AKAP13: variants seen among roughly 807,000 people sequenced by gnomAD.
The protein encoded by AKAP13 is A-kinase anchoring protein 13.
AKAP13 carries 80 observed loss-of-function variants against 264.5 expected under a neutral mutation model. The ratio of observed to expected loss-of-function variants is 0.30; its 90% CI spans 0.25 to 0.36. The LOEUF (loss-of-function observed/expected upper bound fraction) is 0.36, where lower values mean the gene tolerates loss of function less well. AKAP13 is among the 10% of genes least tolerant of loss of function. The pLI is 1.00. For missense variants in AKAP13, 3,712 were observed against 3,435.2 expected (o/e 1.08, Z -2.01); for synonymous variants, 1,380 against 1,250.2 (o/e 1.10, Z -2.19).
intron 15 of AKAP13, among the ~76,000 whole-genome samples, chr15:85,682,940 T>A (rs574262873): frequency 1.4e-4 from 2 of 14,570 alleles, no homozygotes; most frequent in East Asian, 3.4e-3. Flanking sequence ...GTGCTGGGAT[T>A]ACAGGCGTGA....
Position 85,746,088 on chromosome 15 carries a change from T to C in AKAP13, c.*1411T>C, listed in dbSNP as rs538569073. ...ACCAGAAGGGAGGCCCTGGAAAATT[T>C]TGTGCTTCCAACGTGGCCTTCAATT... On this transcript the variant is annotated 3_prime_UTR_variant, in exon 37 of 37. Coordinates refer to ENST00000394518, the MANE Select transcript of AKAP13 (RefSeq NM_007200.5). 3.3e-5 allele frequency: 5 copies of C among 152,618 alleles called. No homozygotes were observed. The highest frequency in any genetic ancestry group is 2.1e-4 in the South Asian group (1 of 4,830). The allele number at this position is 152,618 out of a possible 1,614,324, so 9.5% of individuals were successfully genotyped here. A position where few individuals can be genotyped will look rare whatever the true frequency, so the allele number is the denominator to read the frequency against.
At chr15:85,532,748 G>A (rs1252416128) in intron 3 of AKAP13, among the ~76,000 whole-genome samples, 9 of 152,198 alleles carry the variant, frequency 5.9e-5, no homozygotes, top group Non-Finnish European at 1.2e-4. Flanking sequence ...ATAGACACGT[G>A]GTGTTAAATC....
intron 14 of AKAP13, among the ~76,000 whole-genome samples, chr15:85,677,491 C>A (rs2084293111): frequency 6.6e-6 from 1 of 152,118 alleles, no homozygotes; most frequent in Admixed American, 6.5e-5. Flanking sequence ...TCTCATGGGA[C>A]AGATATCTAG....
At chr15:85,551,711 T>C (rs563814842) in intron 5 of AKAP13, among the ~76,000 whole-genome samples, 1 of 152,370 alleles carries the variant, frequency 6.6e-6, no homozygotes, top group South Asian at 2.1e-4. Context: ...CACTACTTGA[T>C]CTGTGGTAAC....
intron 17 of AKAP13, among the ~76,000 whole-genome samples, chr15:85,701,493 A>G (rs1014097787): frequency 3.9e-5 from 6 of 152,110 alleles, no homozygotes; most frequent in Non-Finnish European, 7.4e-5. Flanking sequence ...AGGCTGGAGT[A>G]CAGTGGCGCA....
chr15:85,582,981 T>A, intron 7 of AKAP13: 1 of 985,460 alleles, frequency 1.0e-6, no homozygotes, highest in Non-Finnish European at 1.2e-6. Flanking sequence ...TATTGCTCCG[T>A]GGAAATAAAC....
rs193006294 is a variant in AKAP13 at position 85,527,165 on chromosome 15, G to A, written c.181+5590G>A. The stretch of plus-strand genomic sequence containing the variant: ...TTTTTAGTAGAGACGGGGTTTCACC[G>A]TGTTAGCCAGGATGGTCTTGATCTC... On this transcript the variant is annotated intron_variant, in intron 3 of 36. Coordinates refer to ENST00000394518, the MANE Select transcript of AKAP13 (RefSeq NM_007200.5). Among the ~76,000 whole-genome samples, 475 of 152,128 alleles carry A rather than the reference G, an allele frequency of 3.1e-3. 2 individuals carry two copies. The highest frequency in any genetic ancestry group is 5.8e-3 in the Admixed American group (88 of 15,284).
At chr15:85,426,082 G>A (rs1249455336) in intron 1 of AKAP13, among the ~76,000 whole-genome samples, 2 of 152,178 alleles carry the variant, frequency 1.3e-5, no homozygotes, top group Non-Finnish European at 2.9e-5. Context: ...TCATCCAGAC[G>A]AACTTTGTAT....
At position 85,724,517 on chromosome 15, in the gene AKAP13, CGTG is replaced by C. The variant is rs386785971; in HGVS notation, c.6745+1198_6745+1200del. Among the ~76,000 whole-genome samples the C allele has an allele frequency of 0.94, 142,833 of 151,556 alleles. 67,346 individuals are homozygous for C. The highest frequency in any genetic ancestry group is 0.98 in the East Asian group (5,009 of 5,100). On this transcript the variant is annotated intron_variant, in intron 26 of 36. Coordinates refer to ENST00000394518, the MANE Select transcript of AKAP13 (RefSeq NM_007200.5). This position sits in a 1 kb window ranked among gnomAD's most constrained non-coding sequence, Gnocchi z 4.2. ...GAAGAGTGGACACCCGGGACTCTCA[CGTG>C]AGAGAGCAGAGTGAATGACAGGGGA...
intron 19 of AKAP13, among the ~76,000 whole-genome samples, chr15:85,713,752 C>T (rs897541337): frequency 6.6e-6 from 1 of 152,104 alleles, no homozygotes; most frequent in African/African-American, 2.4e-5. Context: ...CAAAGACATC[C>T]TGAAATACTG....
chr15:85,398,739 A>G lies in AKAP13; in HGVS notation c.-12+17941A>G, dbSNP rs1006712456. Among the ~76,000 whole-genome samples, 30 of 152,132 alleles carry G rather than the reference A, an allele frequency of 2.0e-4. 1 individual carries two copies. Among genetic ancestry groups the G allele is most frequent in the Non-Finnish European group, 4.4e-5 (3 of 68,020 alleles). ...CCCGGCTAATTTTTGGATTTTTAGTAGAGATGGGGTTTCACCATGTTGGCC... is the reference window on the plus strand; with the variant it reads ...CCCGGCTAATTTTTGGATTTTTAGTGGAGATGGGGTTTCACCATGTTGGCC... On this transcript the variant is annotated intron_variant, in intron 1 of 36. Coordinates refer to ENST00000394518, the MANE Select transcript of AKAP13 (RefSeq NM_007200.5).
At chr15:85,725,916 CTT>C (rs1246103160) in intron 26 of AKAP13, among the ~76,000 whole-genome samples, 1 of 152,230 alleles carries the variant, frequency 6.6e-6, no homozygotes, top group Non-Finnish European at 1.5e-5. Flanking sequence ...TGGAAGACGT[CTT>C]TTCATTAGAC....
intron 35 of AKAP13, among the ~76,000 whole-genome samples, chr15:85,743,237 C>T (rs770409613): frequency 1.2e-4 from 18 of 152,044 alleles, no homozygotes; most frequent in African/African-American, 1.7e-4. Context: ...ACAACGCCGG[C>T]GTTTGTGTAT....
chr15:85,636,766 C>T (rs1190138486), intron 8 of AKAP13, among the ~76,000 whole-genome samples: 1 of 152,122 alleles, frequency 6.6e-6, no homozygotes, highest in Non-Finnish European at 1.5e-5. Context: ...AGAGACCCAC[C>T]ACCACACCTG....
chr15:85,441,753 C>T (rs372963273), intron 1 of AKAP13, among the ~76,000 whole-genome samples: 1 of 145,616 alleles, frequency 6.9e-6, no homozygotes, highest in Non-Finnish European at 1.5e-5. Context: ...CATTTATTGA[C>T]AAGTCTCTTA....
At chr15:85,676,386 T>C (rs999176349) in intron 14 of AKAP13, among the ~76,000 whole-genome samples, 2 of 152,158 alleles carry the variant, frequency 1.3e-5, no homozygotes, top group Admixed American at 1.3e-4. Context: ...TTTTGATTAA[T>C]GAGTTAGATG....
At chr15:85,550,366 C>T (rs2077915234) in intron 5 of AKAP13, among the ~76,000 whole-genome samples, 1 of 152,162 alleles carries the variant, frequency 6.6e-6, no homozygotes, top group Admixed American at 6.5e-5. Context: ...ACAGACCCAG[C>T]CTGACAAGCT....
At chr15:85,426,052 A>G (rs1310615264) in intron 1 of AKAP13, among the ~76,000 whole-genome samples, 2 of 152,260 alleles carry the variant, frequency 1.3e-5, no homozygotes, top group African/African-American at 2.4e-5. Flanking sequence ...GAGCAATGGC[A>G]GTATTGGTGA....
Position 85,579,890 on chromosome 15 carries a change from G to C in AKAP13, c.1822G>C (p.Ala608Pro), listed in dbSNP as rs1361451879. Residue 608 changes from alanine to proline, a missense_variant, in exon 7 of 37, where the codon GCA becomes CCA. Coordinates refer to ENST00000394518, the MANE Select transcript of AKAP13 (RefSeq NM_007200.5). ...SDGLEPYTLL[A>P]AGIGEAMSPS... is the part of the protein sequence containing the mutation. ...TGGATTAGAACCTTATACTCTCTTAGCAGCAGGCATAGGTGAGGCAATGTC... is the reference window on the plus strand; with the variant it reads ...TGGATTAGAACCTTATACTCTCTTACCAGCAGGCATAGGTGAGGCAATGTC... The C allele has an allele frequency of 6.2e-7, 1 of 1,614,192 alleles. No individual in the cohort carries two copies. The highest frequency in any genetic ancestry group is 8.5e-7 in the Non-Finnish European group (1 of 1,180,038).
Sources: allele counts gnomAD v4.1 joint callset (sites outside exome capture counted in the v4.1 genomes callset), GRCh38; gene constraint gnomAD v4.1.1; non-coding constraint Gnocchi (gnomAD v3.1); transcripts MANE v1.5; gene names NCBI Gene and HGNC (gene_info 2026-07-23, HGNC 2026-07-21).